The following SART3 variants were observed in gnomAD, a reference collection of about 807,000 sequenced individuals.
The protein encoded by SART3 is HIV-1 Tat-interacting protein of 110kDa.
In SART3, 44 loss-of-function variants were observed where a neutral mutation model predicts 122.3. That is an observed-to-expected ratio of 0.36 (90% confidence interval 0.28 to 0.46). The LOEUF (loss-of-function observed/expected upper bound fraction) is 0.46, where lower values mean the gene tolerates loss of function less well. Ranked by LOEUF, SART3 falls within the 20% of genes least tolerant of loss-of-function variation. The pLI is 1.00. For synonymous variants in SART3, 442 were observed against 454.0 expected, an observed-to-expected ratio of 0.97 and a Z score of 0.34; for missense variants, 1,101 against 1,229.0, an observed-to-expected ratio of 0.90 and a Z score of 1.56.
chr12:108,557,801 A>G (rs2030296595), intron 1 of SART3, among the ~76,000 whole-genome samples: 1 of 152,230 alleles, frequency 6.6e-6, no homozygotes, highest in African/African-American at 2.4e-5. Flanking sequence ...ATTTCAGCGC[A>G]CAAACACATA....
chr12:108,544,308 G>A (rs1565864310), intron 5 of SART3, 119 bp downstream of exon 5: 1 of 892,642 alleles, frequency 1.1e-6, no homozygotes, highest in Non-Finnish European at 1.9e-6. Flanking sequence ...TCCAAGGAGA[G>A]TAAGAACACC....
intron 8 of SART3, 34 bp from the exon 9 acceptor site, chr12:108,537,629 A>G: frequency 6.6e-7 from 1 of 1,520,856 alleles, no homozygotes. Context: ...TTTGTTACCA[A>G]TTCAAATGGA....
chr12:108,561,063 G>A lies in SART3; in HGVS notation c.92C>T (p.Ala31Val), dbSNP rs2030523943. ...KADGEEDEVK[A>V]ARTRRKVLSR... Reference sequence around the variant, plus strand: ...TAACACCTTCCTCCTTGTCCTAGCCGCCTTAACCTCATCCTCCTCTCCGTC... The same window carrying A: ...TAACACCTTCCTCCTTGTCCTAGCCACCTTAACCTCATCCTCCTCTCCGTC... Residue 31 changes from alanine to valine, a missense_variant, in exon 1 of 19, where the codon GCG becomes GTG. By Grantham distance (64) the Ala-to-Val change is moderately conservative. Around this residue, in one of 2 missense-constraint regions of SART3, gnomAD observed 216 missense variants for 148.9 expected, o/e 1.45. Transcript: ENST00000546815. 1.2e-6 allele frequency: 2 copies of A among 1,614,028 alleles called. No individual in the cohort carries two copies. Among genetic ancestry groups the A allele is most frequent in the Non-Finnish European group, 1.7e-6 (2 of 1,179,984 alleles).
At position 108,522,480 on chromosome 12, in the gene SART3, G is replaced by T. The variant is rs1246459355; in HGVS notation, c.*977C>A. 1 of 152,170 alleles carries T rather than the reference G, an allele frequency of 6.6e-6. No individual in the cohort carries two copies. The highest frequency in any genetic ancestry group is 2.4e-5 in the African/African-American group (1 of 41,448). 9.4% of individuals were successfully genotyped at this position (152,170 alleles called of 1,614,324 possible). ...AAGCAGTAAATATTATTTGATAAAA[G>T]ATGTGAGGTAAAAAAGCTCAAAAGC... On this transcript the variant is annotated 3_prime_UTR_variant, in exon 19 of 19. Transcript: ENST00000546815.
intron 6 of SART3, chr12:108,542,727 AAAGC>A (rs1873225279): frequency 2.2e-6 from 1 of 444,646 alleles, no homozygotes; most frequent in Non-Finnish European, 4.3e-6. Context: ...ACTATAAAGA[AAAGC>A]AAGGGAATTA....
chr12:108,523,146 G>GT lies in SART3; in HGVS notation c.*310dup. On this transcript the variant is annotated 3_prime_UTR_variant, in exon 19 of 19. Coordinates refer to ENST00000546815, the MANE Select transcript of SART3 (RefSeq NM_014706.4). ...GCTGGCCAGAAACATTTGGACAACT[G>GT]TGTCTCAAAAACAGTGTGTTCTCGT... 2.2e-6 allele frequency: 1 copy of GT among 463,198 alleles called. No homozygotes were observed. Among genetic ancestry groups the GT allele is most frequent in the Non-Finnish European group, 4.0e-6 (1 of 253,150 alleles). 28.7% of individuals were successfully genotyped at this position (463,198 alleles called of 1,614,324 possible).
chr12:108,554,390 G>A (rs1205667167), intron 1 of SART3, among the ~76,000 whole-genome samples: 1 of 151,936 alleles, frequency 6.6e-6, no homozygotes, highest in East Asian at 1.9e-4. Flanking sequence ...AATGTATAAA[G>A]AGAACAATAC....
chr12:108,556,055 T>C (rs767335292), intron 1 of SART3, among the ~76,000 whole-genome samples: 1 of 151,656 alleles, frequency 6.6e-6, no homozygotes, highest in Non-Finnish European at 1.5e-5. Context: ...TCACAACCTA[T>C]GACTATGACC....
Position 108,561,039 on chromosome 12 carries a change from A to G in SART3, c.116T>C (p.Leu39Ser), listed in dbSNP as rs2030521441. Reference protein sequence around the residue: ...VKAARTRRKVLSRAVAAATYK... With the variant: ...VKAARTRRKVSSRAVAAATYK... ...TGTCGCAGCGGCCACAGCCCGCGAT[A>G]ACACCTTCCTCCTTGTCCTAGCCGC... Residue 39 changes from leucine to serine, a missense_variant, in exon 1 of 19, where the codon TTA becomes TCA. Around this residue, in one of 2 missense-constraint regions of SART3, gnomAD observed 216 missense variants for 148.9 expected, o/e 1.45. Coordinates refer to ENST00000546815, the MANE Select transcript of SART3 (RefSeq NM_014706.4). The G allele has an allele frequency of 1.2e-6, 2 of 1,614,098 alleles. No individual in the cohort carries two copies. The highest frequency in any genetic ancestry group is 8.5e-7 in the Non-Finnish European group (1 of 1,179,990).
At chr12:108,542,900 G>C in intron 6 of SART3, 128 bp downstream of exon 6, 1 of 1,240,340 alleles carries the variant, frequency 8.1e-7, no homozygotes, top group Non-Finnish European at 1.2e-6. Context: ...TATGTAAACT[G>C]TACGTATACA....
intron 3 of SART3, 58 bp downstream of exon 3, chr12:108,547,829 C>T (rs1873498107): frequency 1.6e-6 from 2 of 1,261,082 alleles, no homozygotes; most frequent in African/African-American, 1.5e-5. Flanking sequence ...CAGTCCTCAA[C>T]AGCAGACTGA....
intron 1 of SART3, among the ~76,000 whole-genome samples, chr12:108,549,541 T>C (rs1376655296): frequency 3.9e-5 from 6 of 152,236 alleles, no homozygotes; most frequent in African/African-American, 1.4e-4. Flanking sequence ...CTAAGCTCTA[T>C]TTCCTCATCT....
intron 15 of SART3, among the ~76,000 whole-genome samples, chr12:108,528,637 C>T (rs556612926): frequency 2.0e-5 from 3 of 152,196 alleles, no homozygotes; most frequent in Admixed American, 6.5e-5. Context: ...ATCTGGAAGC[C>T]TGAGTGAAAG....
At chr12:108,540,641 CAAAA>C (rs36065481) in intron 6 of SART3, among the ~76,000 whole-genome samples, 9 of 125,862 alleles carry the variant, frequency 7.2e-5, no homozygotes, top group Non-Finnish European at 1.2e-4. Context: ...GCATTGAAGG[CAAAA>C]AAAAAAAAAA....
chr12:108,539,112 T>A, intron 6 of SART3, 23 bp from the exon 7 acceptor site: 1 of 1,613,870 alleles, frequency 6.2e-7, no homozygotes, highest in African/African-American at 1.3e-5. Flanking sequence ...AAAATTGTAT[T>A]GAATTTAGTT....
chr12:108,543,777 T>C (rs988960681), intron 5 of SART3, among the ~76,000 whole-genome samples: 2 of 152,178 alleles, frequency 1.3e-5, no homozygotes, highest in Admixed American at 6.5e-5. Context: ...TCTGAGTATG[T>C]ACAACACATG....
chr12:108,558,955 C>T (rs1324789351), intron 1 of SART3, among the ~76,000 whole-genome samples: 1 of 147,426 alleles, frequency 6.8e-6, no homozygotes, highest in African/African-American at 2.5e-5. Context: ...ATGGCATGAA[C>T]CCGGGAGGCG....
Position 108,545,180 on chromosome 12 carries a change from C to T in SART3, c.688G>A (p.Ala230Thr). ...HMTKGLALWE[A>T]YREFESAIVE... is the part of the protein sequence containing the mutation. ...ATCGCACTTTCAAACTCTCGGTAAG[C>T]CTCCCAGAGGGCGAGTCCTTTGGTC... Residue 230 changes from alanine (A) to threonine (T), a missense_variant, in exon 4 of 19, where the codon GCT (alanine) becomes ACT (threonine). Ala to Thr is a moderately conservative substitution (Grantham distance 58, BLOSUM62 0). Around this residue, in one of 2 missense-constraint regions of SART3, gnomAD observed 885 missense variants for 1,080.1 expected, o/e 0.82. Transcript: ENST00000546815. The T allele has an allele frequency of 6.2e-7, 1 of 1,614,100 alleles. No homozygotes were observed. The highest frequency in any genetic ancestry group is 1.1e-5 in the South Asian group (1 of 91,070).
At chr12:108,543,814 G>A (rs1873279414) in intron 5 of SART3, among the ~76,000 whole-genome samples, 1 of 152,110 alleles carries the variant, frequency 6.6e-6, no homozygotes, top group Non-Finnish European at 1.5e-5. Context: ...AAACACAACA[G>A]CCATGACAAA....
Sources: allele counts gnomAD v4.1 joint callset (sites outside exome capture counted in the v4.1 genomes callset), GRCh38; gene constraint gnomAD v4.1.1; regional missense constraint gnomAD v4.1.1; transcripts MANE v1.5; gene names NCBI Gene and HGNC (gene_info 2026-07-23, HGNC 2026-07-21).